The following PPIP5K1 variants were observed in gnomAD, a reference collection of about 807,000 sequenced individuals.
PPIP5K1 encodes the protein diphosphoinositol pentakisphosphate kinase 1.
PPIP5K1 carries 6 observed loss-of-function variants against 27.7 expected under a neutral mutation model. The observed-to-expected ratio is 0.22, with a 90% confidence interval of 0.12 to 0.43. The LOEUF (loss-of-function observed/expected upper bound fraction) is 0.43, where lower values mean the gene tolerates loss of function less well. Ranked by LOEUF, PPIP5K1 falls within the 20% of genes least tolerant of loss-of-function variation. The pLI, the probability that PPIP5K1 is intolerant of heterozygous loss-of-function variation, is 1.00. For missense variants in PPIP5K1, 394 were observed against 635.4 expected (o/e 0.62, Z 4.08); for synonymous variants, 145 against 242.6 (o/e 0.60, Z 3.74).
At chr15:43,585,609 CA>C (rs1444472074) in intron 1 of PPIP5K1, among the ~76,000 whole-genome samples, 1 of 33,592 alleles carries the variant, frequency 3.0e-5, no homozygotes, top group African/African-American at 8.1e-5. Context: ...CTCATCTCTA[CA>C]AAAAAATTTT....
intron 30 of PPIP5K1, among the ~76,000 whole-genome samples, chr15:43,546,654 ATTTT>A (rs58966502): frequency 9.4e-6 from 1 of 106,498 alleles, no homozygotes; most frequent in Non-Finnish European, 2.0e-5. Context: ...CCTGTTTTCA[ATTTT>A]TTTTTTTTTT....
chr15:43,543,971 C>T (rs1325554960), intron 30 of PPIP5K1, among the ~76,000 whole-genome samples: 1 of 151,892 alleles, frequency 6.6e-6, no homozygotes, highest in African/African-American at 2.4e-5. Flanking sequence ...TTATTTTACC[C>T]ATGTGGTTAT....
At chr15:43,550,223 C>T (rs1265082197) in intron 30 of PPIP5K1, among the ~76,000 whole-genome samples, 2 of 152,066 alleles carry the variant, frequency 1.3e-5, no homozygotes, top group African/African-American at 2.4e-5. Context: ...GCCACCTTGA[C>T]CTCCTATGCT....
chr15:43,539,370 C>A (rs1022288089), intron 31 of PPIP5K1, 100 bp downstream of exon 31: 3 of 872,854 alleles, frequency 3.4e-6, no homozygotes, highest in Non-Finnish European at 5.6e-6. Context: ...CCTGGTCTTT[C>A]AAGCCCCACC....
At chr15:43,536,680 C>T (rs530863503) in intron 31 of PPIP5K1, among the ~76,000 whole-genome samples, 2 of 152,238 alleles carry the variant, frequency 1.3e-5, no homozygotes, top group African/African-American at 2.4e-5. Context: ...ATGTTACAGG[C>T]TTGTGCATAT....
In PPIP5K1 at chr15:43,534,785, A is replaced by G; in HGVS notation, c.4362T>C (p.Thr1454=). 6.3e-7 allele frequency: 1 copy of G among 1,587,732 alleles called. No individual in the cohort carries two copies. The highest frequency in any genetic ancestry group is 1.3e-5 in the African/African-American group (1 of 74,158). The part of the protein sequence containing the change: ...SVEVGRLAQE[T]SAINLLSQGI... Reference sequence around the variant, plus strand: ...CCTGAGATAACAGATTGATCGCAGAAGTCTCCTGGGCCAGCCTGCCAACCT... The same window carrying G: ...CCTGAGATAACAGATTGATCGCAGAGGTCTCCTGGGCCAGCCTGCCAACCT... The change falls in exon 32 of 32, where the codon ACT becomes ACC. Residue 1454 remains threonine (T), a synonymous_variant. Transcript: ENST00000420765.
chr15:43,537,559 C>T (rs746886295), intron 31 of PPIP5K1, among the ~76,000 whole-genome samples: 5 of 149,138 alleles, frequency 3.4e-5, no homozygotes, highest in African/African-American at 1.2e-4. Flanking sequence ...TATGGTGGCA[C>T]GTGCCTGTAA....
chr15:43,551,894 C>A (rs1433919352), intron 30 of PPIP5K1, among the ~76,000 whole-genome samples: 1 of 152,194 alleles, frequency 6.6e-6, no homozygotes, highest in African/African-American at 2.4e-5. Flanking sequence ...TGAGCCACCA[C>A]GCCCGGCTCC....
At chr15:43,557,213 A>AG (rs538715166) in intron 30 of PPIP5K1, among the ~76,000 whole-genome samples, 281 of 152,128 alleles carry the variant, frequency 1.8e-3, no homozygotes, top group South Asian at 0.017. Context: ...TGGGAACCCA[A>AG]GGGGGGGTGG....
chr15:43,550,513 G>A (rs147246213), intron 30 of PPIP5K1, among the ~76,000 whole-genome samples: 2 of 152,176 alleles, frequency 1.3e-5, no homozygotes, highest in Non-Finnish European at 2.9e-5. Context: ...CTTTTTTATT[G>A]TTGTTTTCTT....
At chr15:43,550,880 T>C (rs2140872744) in intron 30 of PPIP5K1, among the ~76,000 whole-genome samples, 1 of 152,358 alleles carries the variant, frequency 6.6e-6, no homozygotes, top group South Asian at 2.1e-4. Flanking sequence ...TTTCTCTCTT[T>C]CTAATAATGT....
At chr15:43,579,631 G>GTGTATA (rs1310083869) in intron 10 of PPIP5K1, among the ~76,000 whole-genome samples, 14 of 35,716 alleles carry the variant, frequency 3.9e-4, no homozygotes, top group South Asian at 1.5e-3. Flanking sequence ...GTGTGTGTGT[G>GTGTATA]TATATATATA....
At chr15:43,552,717 A>C (rs1374730875) in intron 30 of PPIP5K1, among the ~76,000 whole-genome samples, 1 of 151,406 alleles carries the variant, frequency 6.6e-6, no homozygotes, top group African/African-American at 2.4e-5. Context: ...AACAAAAAAA[A>C]AAAGTATGTT....
In PPIP5K1 at chr15:43,547,411, G is replaced by A. The variant is rs115127336; in HGVS notation, c.3557-7828C>T. Among the ~76,000 whole-genome samples the A allele has an allele frequency of 8.0e-3, 1,210 of 151,996 alleles. 13 individuals carry two copies. Among genetic ancestry groups the A allele is most frequent in the African/African-American group, 0.028 (1,153 of 41,452 alleles). On this transcript the variant is annotated intron_variant, in intron 30 of 31. Transcript: ENST00000420765. ...TTTTTCTTTTGTTGCTTATGCTTTT[G>A]TTCTACAAATCCATTGCCAAATTTA...
At chr15:43,538,734 A>C (rs530970141) in intron 31 of PPIP5K1, among the ~76,000 whole-genome samples, 184 of 151,956 alleles carry the variant, frequency 1.2e-3, no homozygotes, top group Non-Finnish European at 1.9e-3. Flanking sequence ...GGATGGTCTC[A>C]ATCTCCTGAC....
chr15:43,538,316 A>G (rs1052209524), intron 31 of PPIP5K1, among the ~76,000 whole-genome samples: 1 of 152,248 alleles, frequency 6.6e-6, no homozygotes, highest in Non-Finnish European at 1.5e-5. Context: ...AATTACCACC[A>G]GTAGCTCCTC....
intron 31 of PPIP5K1, chr15:43,536,109 GAAC>G (rs2079808658): frequency 3.1e-6 from 4 of 1,286,578 alleles, no homozygotes; most frequent in African/African-American, 1.5e-5. Context: ...ATGTAAATCA[GAAC>G]AATAGGAAAG....
rs759331367 is a variant in PPIP5K1 at position 43,535,204 on chromosome 15, A to G, written c.3943T>C (p.Cys1315Arg). The part of the protein sequence containing the change: ...SQPYEEVSQP[C>R]QEVPDISQPC... Reference sequence around the variant, plus strand: ...TGGCTGATGTCAGGGACCTCCTGACATGGCTGGCTGACCTCCTCGTATGGC... The same window carrying G: ...TGGCTGATGTCAGGGACCTCCTGACGTGGCTGGCTGACCTCCTCGTATGGC... Residue 1315 changes from cysteine (C) to arginine (R), a missense_variant, in exon 32 of 32, where the codon TGT becomes CGT. Coordinates refer to ENST00000420765, the MANE Select transcript of PPIP5K1 (RefSeq NM_001394395.1). The G allele has an allele frequency of 6.2e-7, 1 of 1,614,166 alleles. No homozygotes were observed. The highest frequency in any genetic ancestry group is 8.5e-7 in the Non-Finnish European group (1 of 1,180,020).
At chr15:43,557,119 T>C (rs2083063434) in intron 30 of PPIP5K1, among the ~76,000 whole-genome samples, 1 of 152,168 alleles carries the variant, frequency 6.6e-6, no homozygotes, top group African/African-American at 2.4e-5. Flanking sequence ...TTTTGTCAAA[T>C]GCCTATTCAA....
Sources: gnomAD v4.1 joint callset for allele counts (sites outside exome capture counted in the v4.1 genomes callset) on GRCh38, gnomAD v4.1.1 for gene constraint, MANE v1.5 for transcripts, NCBI Gene and HGNC (gene_info 2026-07-23, HGNC 2026-07-21) for gene names.